The following CEP112 variants were observed in gnomAD, a reference collection of about 807,000 sequenced individuals.
CEP112 encodes the protein centrosomal protein 112, also known as centrosomal protein of 112 kDa.
In CEP112, 127 loss-of-function variants were observed where a neutral mutation model predicts 153.0. The observed-to-expected ratio is 0.83, with a 90% CI of 0.72 to 0.96. The LOEUF is 0.96. CEP112 is among the 40% of genes least tolerant of loss of function. The pLI, the probability that CEP112 is intolerant of heterozygous loss-of-function variation, is 0.00. For synonymous variants in CEP112, 358 were observed against 374.4 expected, an observed-to-expected ratio of 0.96 and a Z score of 0.51; for missense variants, 1,089 against 1,101.2, an observed-to-expected ratio of 0.99 and a Z score of 0.16.
intron 21 of CEP112, among the ~76,000 whole-genome samples, chr17:65,790,645 A>G (rs2054538648): frequency 6.6e-6 from 1 of 152,200 alleles, no homozygotes; most frequent in South Asian, 2.1e-4. Flanking sequence ...TATATTTTCT[A>G]AACACAGGGC....
Position 65,681,019 on chromosome 17 carries a change from C to T in CEP112, c.2697+8110G>A, listed in dbSNP as rs572986690. ...TCAAGATGAGATTTGGGTGGGGACA[C>T]AAAGTCTAACCATATCAGGGGGCCA... On this transcript the variant is annotated intron_variant, in intron 24 of 26. Transcript: ENST00000535342. Among the ~76,000 whole-genome samples, 211 of 152,276 alleles carry T rather than the reference C, an allele frequency of 1.4e-3. 1 individual carries two copies. The highest frequency in any genetic ancestry group is 3.9e-3 in the African/African-American group (162 of 41,548).
chr17:66,166,898 C>A (rs1204852545), intron 4 of CEP112, among the ~76,000 whole-genome samples: 17 of 99,370 alleles, frequency 1.7e-4, no homozygotes, highest in Non-Finnish European at 3.5e-4. Context: ...AGCAAGACTC[C>A]ATCTCAAAAA....
intron 20 of CEP112, among the ~76,000 whole-genome samples, chr17:65,856,374 T>A (rs62065094): frequency 0.13 from 20,261 of 152,008 alleles, 1,383 homozygotes; most frequent in Non-Finnish European, 0.16. Context: ...AAAAATAGAA[T>A]TGGAAAGATT....
intron 16 of CEP112, among the ~76,000 whole-genome samples, chr17:66,008,602 C>A (rs2064375107): frequency 6.6e-6 from 1 of 152,100 alleles, no homozygotes; most frequent in South Asian, 2.1e-4. Flanking sequence ...CCTCGGCATC[C>A]AAAAGTGCTG....
chr17:66,159,765 G>A (rs1268824430), intron 4 of CEP112, among the ~76,000 whole-genome samples: 1 of 152,122 alleles, frequency 6.6e-6, no homozygotes, highest in Non-Finnish European at 1.5e-5. Flanking sequence ...GGCAAAAGCT[G>A]CAAGTATTCC....
chr17:66,054,598 T>A (rs2066597853), intron 11 of CEP112, among the ~76,000 whole-genome samples: 1 of 151,998 alleles, frequency 6.6e-6, no homozygotes, highest in Non-Finnish European at 1.5e-5. Flanking sequence ...CCAAAAGGGG[T>A]TGAAAATCTG....
At chr17:66,180,968 CTT>C (rs1300256217) in intron 2 of CEP112, among the ~76,000 whole-genome samples, 1 of 152,010 alleles carries the variant, frequency 6.6e-6, no homozygotes, top group East Asian at 1.9e-4. Context: ...ATAAAATAAA[CTT>C]CATGAAATAT....
intron 23 of CEP112, among the ~76,000 whole-genome samples, chr17:65,711,409 T>C (rs1386456462): frequency 6.6e-6 from 1 of 152,206 alleles, no homozygotes; most frequent in Non-Finnish European, 1.5e-5. Flanking sequence ...CTATCTCATA[T>C]GGTGGACATG....
chr17:65,985,402 C>T (rs915732009), intron 17 of CEP112, among the ~76,000 whole-genome samples: 3 of 152,078 alleles, frequency 2.0e-5, no homozygotes, highest in Admixed American at 6.6e-5. Flanking sequence ...ATATTTTGGC[C>T]TGGAGTCACA....
At position 65,957,801 on chromosome 17, in the gene CEP112, A is replaced by C. The variant is rs190789099; in HGVS notation, c.1872+3662T>G. On this transcript the variant is annotated intron_variant, in intron 18 of 26. Transcript: ENST00000535342. The stretch of plus-strand genomic sequence containing the variant: ...TTCAAGACTTTTATGAGAATGTACA[A>C]CTTGTTAATTTTATTAATGCTCATA... 9.9e-4 allele frequency among the ~76,000 whole-genome samples: 150 copies of C among 152,174 alleles called. 1 individual carries two copies. The Middle Eastern group carries it at 0.014, about 14-fold the overall frequency.
chr17:65,890,637 C>T (rs1467660878), intron 20 of CEP112, among the ~76,000 whole-genome samples: 1 of 152,150 alleles, frequency 6.6e-6, no homozygotes, highest in Non-Finnish European at 1.5e-5. Context: ...CTGTCATTCT[C>T]AGAAAGATGC....
intron 24 of CEP112, among the ~76,000 whole-genome samples, chr17:65,687,409 G>A (rs900732133): frequency 7.9e-5 from 12 of 151,924 alleles, no homozygotes; most frequent in Admixed American, 3.9e-4. Flanking sequence ...TCGTTGATCC[G>A]CCCACCTTGG....
In CEP112 at chr17:66,157,833, G is replaced by C. The variant is rs575849221; in HGVS notation, c.470+17211C>G. ...TAAAGGGATCAATGCAATAAGAAGA[G>C]CTAAGTATCCTAAGTATATATGCAC... is the stretch of plus-strand genomic sequence containing the variant. On this transcript the variant is annotated intron_variant, in intron 4 of 26. Coordinates refer to ENST00000535342, the MANE Select transcript of CEP112 (RefSeq NM_001199165.4). Among the ~76,000 whole-genome samples, 12 of 152,104 alleles carry C rather than the reference G, an allele frequency of 7.9e-5. No individual in the cohort carries two copies. In the East Asian group the frequency reaches 2.1e-3, roughly 27 times the overall value.
At chr17:65,744,535 A>G (rs529370437) in intron 22 of CEP112, among the ~76,000 whole-genome samples, 38 of 152,280 alleles carry the variant, frequency 2.5e-4, no homozygotes, top group Middle Eastern at 3.4e-3. Flanking sequence ...GTGAGCCACC[A>G]TGCTTGGCCA....
chr17:65,734,200 T>A (rs2050672852), intron 23 of CEP112, among the ~76,000 whole-genome samples: 1 of 152,188 alleles, frequency 6.6e-6, no homozygotes, highest in African/African-American at 2.4e-5. Context: ...AGTTTCTCAC[T>A]CTGATGCTTC....
At position 65,937,859 on chromosome 17, in the gene CEP112, C is replaced by T. The variant is rs1227597485; in HGVS notation, c.1873-10170G>A. Among the ~76,000 whole-genome samples, 230 of 113,826 alleles carry T rather than the reference C, an allele frequency of 2.0e-3. 25 individuals are homozygous for T. Among genetic ancestry groups the T allele is most frequent in the Non-Finnish European group, 3.5e-3 (187 of 54,096 alleles). 74.7% of individuals were successfully genotyped at this position (113,826 alleles called of 152,430 possible). On this transcript the variant is annotated intron_variant, in intron 18 of 26. Transcript: ENST00000535342. The stretch of plus-strand genomic sequence containing the variant: ...GAGGTGAGGGGCGCCTCTGCCCGGC[C>T]GCCCCTACTGGGAAGTGAGGAGCCC...
rs230601 is a variant in CEP112 at position 66,189,924 on chromosome 17, C to T, written c.-9+2073G>A. Among the ~76,000 whole-genome samples, 497 of 152,076 alleles carry T rather than the reference C, an allele frequency of 3.3e-3. 2 individuals carry two copies. The highest frequency in any genetic ancestry group is 0.012 in the African/African-American group (480 of 41,470). ...GCATGCATCTGTAGTCCCAGCTACT[C>T]GGGAGACTGAGGTGGGAGGATCACT... On this transcript the variant is annotated intron_variant, in intron 1 of 26. Transcript: ENST00000535342.
intron 4 of CEP112, among the ~76,000 whole-genome samples, chr17:66,152,443 T>C (rs1181092071): frequency 6.6e-6 from 1 of 152,188 alleles, no homozygotes; most frequent in Non-Finnish European, 1.5e-5. Context: ...TAGAGTAAAA[T>C]TGAGTCAAGG....
At chr17:65,801,769 A>G (rs1397047454) in intron 21 of CEP112, among the ~76,000 whole-genome samples, 1 of 152,198 alleles carries the variant, frequency 6.6e-6, no homozygotes, top group Non-Finnish European at 1.5e-5. Flanking sequence ...ATAATATTTT[A>G]GTTCTTTGAA....
Sources: allele counts gnomAD v4.1 joint callset (sites outside exome capture counted in the v4.1 genomes callset), GRCh38; gene constraint gnomAD v4.1.1; transcripts MANE v1.5; gene names NCBI Gene and HGNC (gene_info 2026-07-23, HGNC 2026-07-21).